ABCB11: variants seen among roughly 807,000 people sequenced by gnomAD.
ABCB11 encodes ATP binding cassette subfamily B member 11, also known as bile salt export pump.
In ABCB11, 95 loss-of-function variants were observed where a neutral mutation model predicts 148.0. The observed-to-expected ratio is 0.64, with a 90% CI of 0.54 to 0.76. The LOEUF is 0.76. Among genes scored for constraint, ABCB11 ranks in the 30% least tolerant of loss-of-function variants. The probability of loss-of-function intolerance (pLI) is 0.00; values close to 1 mark genes in which losing one functional copy is unlikely to be tolerated. For synonymous variants in ABCB11, 591 were observed against 555.4 expected (o/e 1.06, Z -0.90); for missense variants, 1,523 against 1,617.8 (o/e 0.94, Z 1.01).
chr2:168,958,038 C>G lies in ABCB11; in HGVS notation c.2269G>C (p.Val757Leu). ...TTCACAGCTGCACCCACAGACCCTA[C>G]CAGCATGTAGGGCCATTCTGGAGCA... ...FSAPEWPYML[V>L]GSVGAAVNGT... Residue 757 changes from valine to leucine, a missense_variant, in exon 19 of 28, where the codon GTA becomes CTA. Val to Leu is a conservative substitution (Grantham distance 32, BLOSUM62 1). Transcript: ENST00000650372. 3.1e-6 allele frequency: 5 copies of G among 1,611,368 alleles called. No individual in the cohort carries two copies. The highest frequency in any genetic ancestry group is 4.2e-6 in the Non-Finnish European group (5 of 1,178,326).
Position 168,921,683 on chromosome 2 carries a change from G to A in ABCB11, c.*1939C>T, listed in dbSNP as rs1052886909. On this transcript the variant is annotated 3_prime_UTR_variant, in exon 28 of 28. Transcript: ENST00000650372. The stretch of plus-strand genomic sequence containing the variant: ...TTATATGTTAAAATACTTCCTCAGT[G>A]TCTGGTGGTCCTTGGAAGTCAATTC... 1.3e-5 allele frequency among the ~76,000 whole-genome samples: 2 copies of A among 151,838 alleles called. No individual in the cohort carries two copies. The highest frequency in any genetic ancestry group is 2.9e-5 in the Non-Finnish European group (2 of 67,988).
rs1285983158 is a variant in ABCB11, at chr2:168,921,887, C to A, written c.*1735G>T. 7.0e-6 allele frequency among the ~76,000 whole-genome samples: 1 copy of A among 142,098 alleles called. No homozygotes were observed. Among genetic ancestry groups the A allele is most frequent in the African/African-American group, 2.7e-5 (1 of 36,556 alleles). 93.2% of individuals were successfully genotyped at this position (142,098 alleles called of 152,430 possible). ...TCTTTTTTTTTTTTTTTCGCTCTGT[C>A]GCCCAGGCTGGAGTGCAGTGGCGCG... On this transcript the variant is annotated 3_prime_UTR_variant, in exon 28 of 28. Transcript: ENST00000650372.
intron 1 of ABCB11, among the ~76,000 whole-genome samples, chr2:169,023,550 G>T (rs1695596964): frequency 6.6e-6 from 1 of 152,194 alleles, no homozygotes; most frequent in Non-Finnish European, 1.5e-5. Flanking sequence ...ATAATCTATA[G>T]AATAGACACA....
Position 168,924,794 on chromosome 2 carries a change from T to C in ABCB11, c.3628A>G (p.Thr1210Ala). The C allele has an allele frequency of 6.2e-7, 1 of 1,611,614 alleles. No homozygotes were observed. Among genetic ancestry groups the C allele is most frequent in the Non-Finnish European group, 8.5e-7 (1 of 1,178,890 alleles). ...TGAGACCCCTGGGACCCAACGTTAG[T>C]TTCATATTTCTGAAAAAAAGTATGA... ...FVMSLPEKYE[T>A]NVGSQGSQLS... The change falls in exon 27 of 28, where the codon ACT becomes GCT. Residue 1210 changes from threonine to alanine, a missense_variant. Transcript: ENST00000650372.
chr2:168,951,558 T>C (rs1203073037), intron 19 of ABCB11, among the ~76,000 whole-genome samples: 1 of 151,668 alleles, frequency 6.6e-6, no homozygotes, highest in African/African-American at 2.4e-5. Context: ...TAGATCAATA[T>C]TGGTGTATAG....
intron 12 of ABCB11, among the ~76,000 whole-genome samples, chr2:168,974,982 A>T (rs1238634720): frequency 6.8e-6 from 1 of 147,066 alleles, no homozygotes; most frequent in African/African-American, 2.5e-5. Flanking sequence ...ATACACTTAT[A>T]TTTGTACATT....
chr2:168,933,628 G>A (rs75358908), intron 23 of ABCB11, among the ~76,000 whole-genome samples: 1,913 of 152,222 alleles, frequency 0.013, 34 homozygotes, highest in African/African-American at 0.043. Context: ...GAACATCCCC[G>A]GGAGCCCAGT....
intron 9 of ABCB11, among the ~76,000 whole-genome samples, chr2:168,987,062 T>A (rs1213621127): frequency 6.6e-6 from 1 of 152,114 alleles, no homozygotes; most frequent in Admixed American, 6.6e-5. Flanking sequence ...ATGTCTTTCA[T>A]GGTGGAAGAA....
chr2:168,958,509 T>A (rs868249266), intron 18 of ABCB11, among the ~76,000 whole-genome samples: 9 of 151,772 alleles, frequency 5.9e-5, no homozygotes, highest in South Asian at 2.1e-4. Flanking sequence ...TTCAATTTTT[T>A]AAAATAAATG....
chr2:168,959,301 T>C (rs927139328), intron 18 of ABCB11, among the ~76,000 whole-genome samples: 2 of 151,738 alleles, frequency 1.3e-5, no homozygotes, highest in East Asian at 2.0e-4. Context: ...TGCTCACTCA[T>C]GCAGCAGGTC....
chr2:168,934,027 G>A (rs1691706140), intron 23 of ABCB11, among the ~76,000 whole-genome samples: 3 of 152,094 alleles, frequency 2.0e-5, no homozygotes. Context: ...TGAGATTACA[G>A]GCATGAGCCA....
At chr2:168,983,916 C>G (rs915458000) in intron 10 of ABCB11, among the ~76,000 whole-genome samples, 5 of 151,682 alleles carry the variant, frequency 3.3e-5, no homozygotes, top group African/African-American at 1.2e-4. Flanking sequence ...TTTTTGTTTC[C>G]CTGACCTCGT....
At chr2:168,915,731 T>C (rs1308742608) in intron 2 of ABCB11, among the ~76,000 whole-genome samples, 1 of 152,240 alleles carries the variant, frequency 6.6e-6, no homozygotes, top group Non-Finnish European at 1.5e-5. Context: ...GGTTTTCTTT[T>C]ACCCAGGCTT....
At chr2:169,016,989 C>CACACACACACACACAA (rs1695379851) in intron 2 of ABCB11, among the ~76,000 whole-genome samples, 190 bp from the exon 3 acceptor site, 1 of 146,200 alleles carries the variant, frequency 6.8e-6, no homozygotes, top group Non-Finnish European at 1.5e-5. Flanking sequence ...TACACACACA[C>CACACACACACACACAA]ACACACACAC....
intron 19 of ABCB11, among the ~76,000 whole-genome samples, chr2:168,946,659 T>A (rs77068018): frequency 3.3e-5 from 5 of 151,790 alleles, no homozygotes; most frequent in Non-Finnish European, 7.4e-5. Flanking sequence ...CATTCCTCCT[T>A]AAGGTCACCT....
intron 12 of ABCB11, among the ~76,000 whole-genome samples, chr2:168,975,568 T>G (rs1693845612): frequency 7.7e-6 from 1 of 129,416 alleles, no homozygotes; most frequent in Non-Finnish European, 1.6e-5. Context: ...TATTTTTATA[T>G]TTATAGATAA....
chr2:168,978,492 AC>A (rs1385080721), intron 11 of ABCB11, among the ~76,000 whole-genome samples: 1 of 151,452 alleles, frequency 6.6e-6, no homozygotes. Flanking sequence ...AATATATGAA[AC>A]CCCAAATTAT....
chr2:169,016,858 C>T, intron 2 of ABCB11, 59 bp from the exon 3 acceptor site: 2 of 1,327,692 alleles, frequency 1.5e-6, no homozygotes, highest in South Asian at 1.3e-5. Context: ...AAATGCAACG[C>T]AGTCATTAAG....
chr2:168,916,536 T>C (rs1435842975), downstream of ABCB11, among the ~76,000 whole-genome samples: 3 of 152,226 alleles, frequency 2.0e-5, no homozygotes, highest in East Asian at 5.8e-4. Context: ...CCAGTGCTAA[T>C]TAGATGATAA....
Sources: gnomAD v4.1 joint callset for allele counts (sites outside exome capture counted in the v4.1 genomes callset) on GRCh38, gnomAD v4.1.1 for gene constraint, MANE v1.5 for transcripts, NCBI Gene and HGNC (gene_info 2026-07-23, HGNC 2026-07-21) for gene names.